Variants in TDRD1 observed in about 807,000 individuals in gnomAD.
TDRD1 encodes tudor domain containing 1, also known as tudor domain-containing protein 1.
TDRD1 carries 37 observed loss-of-function variants against 140.6 expected under a neutral mutation model. That is an observed-to-expected ratio of 0.26 (90% CI 0.20 to 0.35). The LOEUF is 0.35. Among genes scored for constraint, TDRD1 ranks in the 10% least tolerant of loss-of-function variants. The probability of loss-of-function intolerance (pLI) is 1.00; values close to 1 mark genes in which losing one functional copy is unlikely to be tolerated. For missense variants in TDRD1, 1,243 were observed against 1,393.0 expected, an observed-to-expected ratio of 0.89 and a Z score of 1.71; for synonymous variants, 506 against 475.7, an observed-to-expected ratio of 1.06 and a Z score of -0.83.
At chr10:114,197,790 T>A (rs971243059) in intron 3 of TDRD1, among the ~76,000 whole-genome samples, 1 of 152,042 alleles carries the variant, frequency 6.6e-6, no homozygotes, top group Non-Finnish European at 1.5e-5. Context: ...CCTGAGTAAC[T>A]GGGATTATGG....
exon 16 of TDRD1, chr10:114,214,069 A>G (rs751687387): frequency 1.2e-6 from 2 of 1,613,494 alleles, no homozygotes; most frequent in African/African-American, 2.7e-5. Flanking sequence ...GGTCTGTGTG[A>G]TATATAGTCC....
chr10:114,214,120 T>C lies in TDRD1; in HGVS notation c.2212+6T>C. The C allele has an allele frequency of 2.5e-6, 4 of 1,612,244 alleles. No homozygotes were observed. The highest frequency in any genetic ancestry group is 3.4e-6 in the Non-Finnish European group (4 of 1,178,632). On this transcript the variant is annotated splice_donor_region_variant and intron_variant, in intron 16 of 25. Transcript: ENST00000251864. ...CCATGTGCTTAAAGAGGATGGTAAG[T>C]TGATTCTTGTCATTTGTTTCTTTTT...
chr10:114,189,831 C>G (rs1564934780), intron 2 of TDRD1, among the ~76,000 whole-genome samples: 1 of 152,216 alleles, frequency 6.6e-6, no homozygotes. Context: ...CTCAATGAAC[C>G]TGTCTTTTCC....
At chr10:114,196,863 T>TG (rs2034395839) in intron 3 of TDRD1, among the ~76,000 whole-genome samples, 1 of 126,634 alleles carries the variant, frequency 7.9e-6, no homozygotes, top group South Asian at 2.5e-4. Context: ...TTTTTTTTTT[T>TG]GAGACAGAAT....
chr10:114,184,771 C>A (rs775745594), intron 1 of TDRD1, among the ~76,000 whole-genome samples: 1 of 152,112 alleles, frequency 6.6e-6, no homozygotes, highest in Non-Finnish European at 1.5e-5. Context: ...TGTTTGCTAT[C>A]ATTTCCTTTG....
At chr10:114,211,375 C>T (rs184129653) in intron 13 of TDRD1, among the ~76,000 whole-genome samples, 4 of 152,278 alleles carry the variant, frequency 2.6e-5, no homozygotes, top group South Asian at 4.1e-4. Context: ...AGCTTTTGGA[C>T]GGCACAAGTC....
exon 13 of TDRD1, chr10:114,210,922 G>T (rs1165387144): frequency 6.2e-7 from 1 of 1,614,122 alleles, no homozygotes; most frequent in Admixed American, 1.7e-5. Flanking sequence ...TCCACGCTCT[G>T]ATTTTTATCC....
upstream of TDRD1, among the ~76,000 whole-genome samples, chr10:114,178,888 C>G (rs1452904784): frequency 6.9e-6 from 1 of 144,536 alleles, no homozygotes; most frequent in Non-Finnish European, 1.5e-5. Context: ...AAAAACAAAA[C>G]TTAAAAAGCT....
intron 2 of TDRD1, among the ~76,000 whole-genome samples, chr10:114,188,558 C>G (rs374929939): frequency 6.6e-6 from 1 of 152,038 alleles, no homozygotes; most frequent in Non-Finnish European, 1.5e-5. Flanking sequence ...CTTTAGTTCC[C>G]GTTCTAAAAA....
At chr10:114,195,101 C>G (rs2034253675) in intron 3 of TDRD1, among the ~76,000 whole-genome samples, 1 of 152,028 alleles carries the variant, frequency 6.6e-6, no homozygotes, top group Admixed American at 6.6e-5. Flanking sequence ...ATCTTTAACT[C>G]ATGTATTATT....
chr10:114,203,580 G>T lies in TDRD1; in HGVS notation c.981+13G>T. The T allele has an allele frequency of 6.3e-7, 1 of 1,585,546 alleles. No homozygotes were observed. The highest frequency in any genetic ancestry group is 8.6e-7 in the Non-Finnish European group (1 of 1,168,862). ...CACTGTTGATCAGGTAACCTGTAATGAAATGAATTATTTAAAACGTTTGAG... is the reference window on the plus strand; with the variant it reads ...CACTGTTGATCAGGTAACCTGTAATTAAATGAATTATTTAAAACGTTTGAG... On this transcript the variant is annotated intron_variant, in intron 8 of 25. Coordinates refer to ENST00000251864, the Ensembl canonical transcript of TDRD1.
rs765718116 is a variant in TDRD1 at position 114,180,539 on chromosome 10, C to A, written c.-7+1123C>A. 2.6e-4 allele frequency among the ~76,000 whole-genome samples: 40 copies of A among 152,264 alleles called. 1 individual carries two copies. The highest frequency in any genetic ancestry group is 3.4e-3 in the Middle Eastern group (1 of 294). On this transcript the variant is annotated intron_variant, in intron 1 of 25. Coordinates refer to ENST00000251864, the Ensembl canonical transcript of TDRD1. Reference sequence around the variant, plus strand: ...GGAGTGCAATGGCGCGATCCCAGCTCACTGCAACCTCCGCCTCCCGGGTTC... The same window carrying A: ...GGAGTGCAATGGCGCGATCCCAGCTAACTGCAACCTCCGCCTCCCGGGTTC...
At chr10:114,204,618 G>C in intron 9 of TDRD1, 104 bp from the exon 10 acceptor site, 1 of 1,178,368 alleles carries the variant, frequency 8.5e-7, no homozygotes, top group Non-Finnish European at 1.2e-6. Context: ...TTGAAGATTT[G>C]TGATAAGTTT....
intron 1 of TDRD1, among the ~76,000 whole-genome samples, chr10:114,180,720 C>T (rs2032984610): frequency 6.6e-6 from 1 of 152,180 alleles, no homozygotes; most frequent in African/African-American, 2.4e-5. Flanking sequence ...CCACCTCGGC[C>T]TCCAAAGTGC....
intron 10 of TDRD1, among the ~76,000 whole-genome samples, chr10:114,206,041 A>G (rs2035078139): frequency 6.6e-6 from 1 of 152,226 alleles, no homozygotes; most frequent in Non-Finnish European, 1.5e-5. Context: ...AATTCTGTCA[A>G]GTGACTACAG....
At chr10:114,203,293 A>ACAATGCTG in intron 7 of TDRD1, 95 bp from the exon 8 acceptor site, 1 of 1,500,940 alleles carries the variant, frequency 6.7e-7, no homozygotes, top group Admixed American at 2.1e-5. Context: ...AAAACTGCCT[A>ACAATGCTG]CAATGCTGTT....
At chr10:114,181,625 G>A (rs1359523087) in intron 1 of TDRD1, among the ~76,000 whole-genome samples, 5 of 152,168 alleles carry the variant, frequency 3.3e-5, no homozygotes, top group Non-Finnish European at 5.9e-5. Context: ...AGGCTGAGGC[G>A]GGCGGATCAC....
At chr10:114,230,420 A>AT (rs1430600257) in intron 25 of TDRD1, among the ~76,000 whole-genome samples, 1 of 152,196 alleles carries the variant, frequency 6.6e-6, no homozygotes, top group Non-Finnish European at 1.5e-5. Context: ...TTTACAAAGC[A>AT]TTTTTACATC....
chr10:114,196,883 G>C (rs2034401115), intron 3 of TDRD1, among the ~76,000 whole-genome samples: 1 of 102,210 alleles, frequency 9.8e-6, no homozygotes, highest in Non-Finnish European at 1.8e-5. Flanking sequence ...TTTGGCTCTT[G>C]ACGCCTGGGC....
Sources: gnomAD v4.1 joint callset for allele counts (sites outside exome capture counted in the v4.1 genomes callset) on GRCh38, gnomAD v4.1.1 for gene constraint, MANE v1.5 for transcripts, NCBI Gene and HGNC (gene_info 2026-07-23, HGNC 2026-07-21) for gene names.